POLR3C: variants seen among roughly 807,000 people sequenced by gnomAD.
POLR3C encodes DNA-directed RNA polymerase III subunit RPC3.
In POLR3C, 44 loss-of-function variants were observed where a neutral mutation model predicts 65.9. That is an observed-to-expected ratio of 0.67 (90% CI 0.52 to 0.86). The LOEUF (loss-of-function observed/expected upper bound fraction) is 0.86. Ranked by LOEUF, POLR3C falls within the 40% of genes least tolerant of loss-of-function variation. POLR3C has a pLI of 0.00. For synonymous variants in POLR3C, 263 were observed against 231.6 expected, an observed-to-expected ratio of 1.14 and a Z score of -1.23; for missense variants, 576 against 653.2, an observed-to-expected ratio of 0.88 and a Z score of 1.29.
Position 145,837,516 on chromosome 1 carries a change from C to T in POLR3C, c.1010-20C>T. ...ACTAGGCCAAAACATTACTGAGTGA[C>T]CTTAATTCTCTACATAAAGACCTCC... On this transcript the variant is annotated intron_variant, in intron 9 of 14. Transcript: ENST00000334163. 2 of 1,468,502 alleles carry T rather than the reference C, an allele frequency of 1.4e-6. No individual in the cohort carries two copies. The highest frequency in any genetic ancestry group is 2.8e-5 in the African/African-American group (2 of 70,608). 91.0% of individuals were successfully genotyped at this position (1,468,502 alleles called of 1,614,324 possible). A position where few individuals can be genotyped will look rare whatever the true frequency, so the allele number is the denominator to read the frequency against.
intron 3 of POLR3C, 42 bp from the exon 4 acceptor site, chr1:145,826,778 A>G: frequency 6.2e-7 from 1 of 1,604,484 alleles, no homozygotes; most frequent in East Asian, 2.2e-5. Context: ...ACCCTGAGCT[A>G]TCTTAGGCCA....
At chr1:145,828,707 C>T in intron 4 of POLR3C, 42 bp from the exon 5 acceptor site, 1 of 1,289,862 alleles carries the variant, frequency 7.8e-7, no homozygotes, top group Admixed American at 1.7e-5. Context: ...TTCCTGTCAT[C>T]ATATGAGATA....
rs1372404293 is a variant in POLR3C at position 145,826,456 on chromosome 1, G to T, written c.150G>T (p.Val50=). 7.4e-6 allele frequency: 12 copies of T among 1,612,982 alleles called. No individual in the cohort carries two copies. The highest frequency in any genetic ancestry group is 1.0e-5 in the Non-Finnish European group (12 of 1,179,378). Residue 50 remains valine, a splice_region_variant and synonymous_variant, in exon 3 of 15, where the codon GTG becomes GTT. Coordinates refer to ENST00000334163, the MANE Select transcript of POLR3C (RefSeq NM_006468.8). The part of the protein sequence containing the change: ...AHDTGTSLDQ[V]KKALCVLVQH... Reference sequence around the variant, plus strand: ...TCTTCTCTTTATGTTCCATTTAGGTGAAGAAAGCCCTGTGTGTCCTCGTCC... The same window carrying T: ...TCTTCTCTTTATGTTCCATTTAGGTTAAGAAAGCCCTGTGTGTCCTCGTCC...
chr1:145,829,276 A>C (rs1446377264), intron 5 of POLR3C, among the ~76,000 whole-genome samples: 1 of 152,190 alleles, frequency 6.6e-6, no homozygotes, highest in African/African-American at 2.4e-5. Flanking sequence ...TTGCTCCCTC[A>C]TAAACTTCCT....
rs2101662751 is a variant in POLR3C, at chr1:145,843,354, TAA to T, written c.*935_*936del. The stretch of plus-strand genomic sequence containing the variant: ...CGGATATAATTTGTCCCAGCAGCTT[TAA>T]TTCATTTAAAGCAGTTAGATGTTTT... On this transcript the variant is annotated 3_prime_UTR_variant, in exon 15 of 15. Coordinates refer to ENST00000334163, the MANE Select transcript of POLR3C (RefSeq NM_006468.8). Among the ~76,000 whole-genome samples the T allele has an allele frequency of 6.7e-6, 1 of 148,420 alleles. No homozygotes were observed. Among genetic ancestry groups the T allele is most frequent in the African/African-American group, 2.5e-5 (1 of 39,812 alleles).
chr1:145,835,130 G>A (rs1469749752), intron 7 of POLR3C, among the ~76,000 whole-genome samples: 2 of 115,556 alleles, frequency 1.7e-5, no homozygotes, highest in Non-Finnish European at 3.3e-5. Flanking sequence ...AAACAACAGA[G>A]CAAAACCCTA....
chr1:145,838,190 A>G lies in POLR3C; in HGVS notation c.1205A>G (p.Asn402Ser). 6.2e-7 allele frequency: 1 copy of G among 1,613,632 alleles called. No homozygotes were observed. Among genetic ancestry groups the G allele is most frequent in the Non-Finnish European group, 8.5e-7 (1 of 1,179,588 alleles). Reference sequence around the variant, plus strand: ...ATGCTATATAAGATGCTCTCAGAAAATTTCATGTCACTCCAGGTAACCAAC... The same window carrying G: ...ATGCTATATAAGATGCTCTCAGAAAGTTTCATGTCACTCCAGGTAACCAAC... ...KDMLYKMLSE[N>S]FMSLQEIPKT... Residue 402 changes from asparagine (N) to serine (S), a missense_variant, in exon 11 of 15, where the codon AAT becomes AGT. Coordinates refer to ENST00000334163, the MANE Select transcript of POLR3C (RefSeq NM_006468.8).
rs782712372 is a variant in POLR3C, at chr1:145,826,506, T to C, written c.200T>C (p.Val67Ala). ...LVQHNLVSYQVHKRGVVEYEA... is the reference protein window; with the variant it reads ...LVQHNLVSYQAHKRGVVEYEA... ...CAACATAACCTGGTGAGTTATCAAG[T>C]GCACAAACGTGGTGTGGTGGAGTAT... The change falls in exon 3 of 15, where the codon GTG becomes GCG. Residue 67 changes from valine (V) to alanine (A), a missense_variant. Val to Ala is a moderately conservative substitution (Grantham distance 64, BLOSUM62 0). Transcript: ENST00000334163. The C allele has an allele frequency of 6.2e-7, 1 of 1,613,802 alleles. No homozygotes were observed. Among genetic ancestry groups the C allele is most frequent in the Non-Finnish European group, 8.5e-7 (1 of 1,179,900 alleles).
intron 5 of POLR3C, among the ~76,000 whole-genome samples, chr1:145,832,944 C>T (rs1553727535): frequency 6.6e-6 from 1 of 152,096 alleles, no homozygotes; most frequent in African/African-American, 2.4e-5. Context: ...ATCACTTGAA[C>T]CCGAGAGGCA....
intron 14 of POLR3C, among the ~76,000 whole-genome samples, chr1:145,842,093 T>A (rs1553730719): frequency 6.6e-6 from 1 of 152,190 alleles, no homozygotes; most frequent in Non-Finnish European, 1.5e-5. Context: ...TTTTCCTGAT[T>A]GCAAATGAAG....
At chr1:145,839,757 G>A (rs1257693508) in intron 11 of POLR3C, 133 bp from the exon 12 acceptor site, 2 of 630,494 alleles carry the variant, frequency 3.2e-6, no homozygotes, top group Non-Finnish European at 5.7e-6. Flanking sequence ...ATAAACACAG[G>A]TACTGAATGA....
intron 1 of POLR3C, 49 bp downstream of exon 1, chr1:145,824,418 G>A (rs1390010521): frequency 1.2e-5 from 7 of 563,066 alleles, no homozygotes; most frequent in Non-Finnish European, 2.2e-5. Flanking sequence ...TGGACCAAGA[G>A]ACCACGTCCG....
intron 5 of POLR3C, among the ~76,000 whole-genome samples, chr1:145,831,408 G>T (rs999661353): frequency 1.3e-5 from 2 of 151,904 alleles, no homozygotes; most frequent in Non-Finnish European, 2.9e-5. Flanking sequence ...CCAGCTACTT[G>T]GGAAGCTGAG....
chr1:145,838,696 AAAAAAC>A (rs1652056587), intron 11 of POLR3C, among the ~76,000 whole-genome samples: 1 of 151,928 alleles, frequency 6.6e-6, no homozygotes, highest in Non-Finnish European at 1.5e-5. Flanking sequence ...CAAAAAACAA[AAAAAAC>A]AAAAAACAAA....
At chr1:145,840,090 T>A in intron 12 of POLR3C, 26 bp from the exon 13 acceptor site, 1 of 1,593,982 alleles carries the variant, frequency 6.3e-7, no homozygotes, top group Admixed American at 1.7e-5. Context: ...CTATGTGCAT[T>A]CCTTGTCTGT....
At chr1:145,836,618 T>G in intron 8 of POLR3C, 44 bp downstream of exon 8, 1 of 1,225,738 alleles carries the variant, frequency 8.2e-7, no homozygotes, top group South Asian at 1.2e-5. Context: ...TAGCCTGTAC[T>G]GTTGATAATT....
chr1:145,824,312 C>T lies in POLR3C; in HGVS notation c.-78C>T. 6.4e-6 allele frequency: 2 copies of T among 311,140 alleles called. No homozygotes were observed. The highest frequency in any genetic ancestry group is 2.5e-5 in the South Asian group (1 of 40,218). 19.3% of individuals were successfully genotyped at this position (311,140 alleles called of 1,614,324 possible). A position where few individuals can be genotyped will look rare whatever the true frequency, so the allele number is the denominator to read the frequency against. On this transcript the variant is annotated 5_prime_UTR_variant, in exon 1 of 15. Coordinates refer to ENST00000334163, the MANE Select transcript of POLR3C (RefSeq NM_006468.8). ...AAGGCCAGCGGGAGCCGTAGGAAGC[C>T]GTCGCGGGAAGCTCAGCCGAATTGG...
chr1:145,832,545 A>T (rs1447884078), intron 5 of POLR3C, among the ~76,000 whole-genome samples: 3 of 152,194 alleles, frequency 2.0e-5, no homozygotes, highest in African/African-American at 7.2e-5. Context: ...CAGCTGTGAT[A>T]AAAGTGAGTG....
At chr1:145,828,173 G>T (rs1650942932) in intron 4 of POLR3C, among the ~76,000 whole-genome samples, 1 of 152,144 alleles carries the variant, frequency 6.6e-6, no homozygotes, top group South Asian at 2.1e-4. Flanking sequence ...ATGAGGTAAG[G>T]TTAGAGACAT....
Sources: gnomAD v4.1 joint callset for allele counts (sites outside exome capture counted in the v4.1 genomes callset) on GRCh38, gnomAD v4.1.1 for gene constraint, MANE v1.5 for transcripts, NCBI Gene and HGNC (gene_info 2026-07-23, HGNC 2026-07-21) for gene names.